The following CNTN5 variants were observed in gnomAD, a reference collection of about 807,000 sequenced individuals.
CNTN5 encodes the protein contactin-5.
CNTN5 carries 77 observed loss-of-function variants against 129.1 expected under a neutral mutation model. That is an observed-to-expected ratio of 0.60 (90% CI 0.50 to 0.72). CNTN5 has a LOEUF of 0.72. Ranked by LOEUF, CNTN5 falls within the 30% of genes least tolerant of loss-of-function variation. The pLI, the probability that CNTN5 is intolerant of heterozygous loss-of-function variation, is 0.00. For synonymous variants in CNTN5, 509 were observed against 465.6 expected (o/e 1.09, Z -1.20); for missense variants, 1,478 against 1,328.8 (o/e 1.11, Z -1.75).
intron 3 of CNTN5, among the ~76,000 whole-genome samples, chr11:99,688,640 C>G (rs920746496): frequency 7.2e-5 from 11 of 151,930 alleles, no homozygotes; most frequent in African/African-American, 2.7e-4. Context: ...AAATACATTT[C>G]CAGGATGTGC....
chr11:99,736,538 T>A (rs1032182196), intron 3 of CNTN5, among the ~76,000 whole-genome samples: 7 of 152,168 alleles, frequency 4.6e-5, no homozygotes, highest in African/African-American at 1.4e-4. Context: ...GACGATTGTA[T>A]CTAATGTGTT....
intron 1 of CNTN5, among the ~76,000 whole-genome samples, chr11:99,085,953 A>G (rs1865989238): frequency 6.6e-6 from 1 of 152,198 alleles, no homozygotes; most frequent in Admixed American, 6.5e-5. Context: ...TGCAGTATTC[A>G]GAACAGTAAC....
intron 18 of CNTN5, among the ~76,000 whole-genome samples, chr11:100,297,212 T>A (rs1469108571): frequency 6.6e-6 from 1 of 151,474 alleles, no homozygotes; most frequent in Non-Finnish European, 1.5e-5. Context: ...CTGGGGGTTC[T>A]GGTAAGGCAG....
At chr11:99,494,089 A>G (rs1031322920) in intron 2 of CNTN5, among the ~76,000 whole-genome samples, 1 of 152,204 alleles carries the variant, frequency 6.6e-6, no homozygotes, top group Non-Finnish European at 1.5e-5. Context: ...CTCCACATTT[A>G]TTTAATTTTG....
chr11:99,567,272 A>G (rs1344484262), intron 3 of CNTN5, among the ~76,000 whole-genome samples: 14 of 152,204 alleles, frequency 9.2e-5, no homozygotes, highest in Admixed American at 9.2e-4. Context: ...CCTCCTTCCT[A>G]GACCTACATT....
intron 16 of CNTN5, among the ~76,000 whole-genome samples, chr11:100,235,822 C>A (rs1385681302): frequency 6.6e-6 from 1 of 152,098 alleles, no homozygotes; most frequent in Non-Finnish European, 1.5e-5. Context: ...CAGTGGGTAC[C>A]AATTACTTAC....
chr11:99,675,853 T>A (rs1160561574), intron 3 of CNTN5, among the ~76,000 whole-genome samples: 1 of 152,172 alleles, frequency 6.6e-6, no homozygotes, highest in Non-Finnish European at 1.5e-5. Flanking sequence ...CCTTAGTATA[T>A]CATTTCATTT....
intron 1 of CNTN5, among the ~76,000 whole-genome samples, chr11:99,230,983 T>G (rs1860964652): frequency 6.6e-6 from 1 of 152,118 alleles, no homozygotes; most frequent in African/African-American, 2.4e-5. Flanking sequence ...CAGATAGGAT[T>G]TTGTTTCTTT....
intron 13 of CNTN5, among the ~76,000 whole-genome samples, chr11:100,112,407 G>A (rs969536744): frequency 6.6e-6 from 1 of 152,102 alleles, no homozygotes. Context: ...GATAATAGTA[G>A]AGAAATGGAT....
intron 9 of CNTN5, among the ~76,000 whole-genome samples, chr11:100,020,712 A>G (rs1254548061): frequency 6.6e-6 from 1 of 152,158 alleles, no homozygotes; most frequent in Non-Finnish European, 1.5e-5. Context: ...TAGAACCAAT[A>G]AACAAATTCA....
chr11:100,128,933 G>A (rs370980595), intron 13 of CNTN5, among the ~76,000 whole-genome samples: 1 of 151,758 alleles, frequency 6.6e-6, no homozygotes, highest in East Asian at 1.9e-4. Context: ...TCATGCATTA[G>A]TGTTCTGCAA....
chr11:99,898,703 GA>G (rs1057342908), intron 6 of CNTN5, among the ~76,000 whole-genome samples: 29 of 151,756 alleles, frequency 1.9e-4, no homozygotes, highest in African/African-American at 5.1e-4. Flanking sequence ...TGACTACCGT[GA>G]TTTTTTTTTC....
intron 6 of CNTN5, among the ~76,000 whole-genome samples, chr11:99,855,979 A>T (rs192162692): frequency 2.4e-4 from 36 of 152,310 alleles, no homozygotes; most frequent in Admixed American, 2.0e-3. Context: ...TCTAACATCC[A>T]GTGAAAAAGT....
intron 1 of CNTN5, among the ~76,000 whole-genome samples, chr11:99,083,377 C>T (rs777708949): frequency 1.7e-4 from 26 of 152,182 alleles, no homozygotes; most frequent in Non-Finnish European, 2.4e-4. Flanking sequence ...AACTTGATTA[C>T]GTCCTTTGGT....
chr11:99,699,574 G>C (rs1954428950), intron 3 of CNTN5, among the ~76,000 whole-genome samples: 1 of 151,292 alleles, frequency 6.6e-6, no homozygotes, highest in Non-Finnish European at 1.5e-5. Context: ...TCACTACAAA[G>C]GCTAGGGATA....
At chr11:99,299,395 T>C (rs1482089439) in intron 1 of CNTN5, among the ~76,000 whole-genome samples, 1 of 152,086 alleles carries the variant, frequency 6.6e-6, no homozygotes, top group African/African-American at 2.4e-5. Flanking sequence ...TTGGCAAGTA[T>C]ATTAACAAAA....
chr11:99,514,986 C>T (rs1298336743), intron 2 of CNTN5, among the ~76,000 whole-genome samples: 1 of 151,852 alleles, frequency 6.6e-6, no homozygotes, highest in African/African-American at 2.4e-5. Flanking sequence ...TTTTAAAAAA[C>T]GATGTGCAAT....
At chr11:99,234,931 G>C (rs1246035157) in intron 1 of CNTN5, among the ~76,000 whole-genome samples, 1 of 152,040 alleles carries the variant, frequency 6.6e-6, no homozygotes, top group Non-Finnish European at 1.5e-5. Context: ...GAGATGCATG[G>C]CATAGTCTCT....
intron 2 of CNTN5, among the ~76,000 whole-genome samples, chr11:99,464,461 C>A (rs1220375534): frequency 1.3e-5 from 2 of 151,822 alleles, no homozygotes; most frequent in Non-Finnish European, 2.9e-5. Flanking sequence ...TGAAAGCTGG[C>A]AAATAGTTTT....
Sources: gnomAD v4.1 joint callset for allele counts (sites outside exome capture counted in the v4.1 genomes callset) on GRCh38, gnomAD v4.1.1 for gene constraint, MANE v1.5 for transcripts, NCBI Gene and HGNC (gene_info 2026-07-23, HGNC 2026-07-21) for gene names.